The following MED30 variants were observed in gnomAD, a reference collection of about 807,000 sequenced individuals.
The protein encoded by MED30 is mediator complex subunit 30, also known as mediator of RNA polymerase II transcription subunit 30.
MED30 carries 8 observed loss-of-function variants against 21.7 expected under a neutral mutation model. The ratio of observed to expected loss-of-function variants is 0.37; its 90% CI spans 0.22 to 0.67. The LOEUF (loss-of-function observed/expected upper bound fraction) is 0.67, where lower values mean the gene tolerates loss of function less well. Ranked by LOEUF, MED30 falls within the 30% of genes least tolerant of loss-of-function variation. The probability of loss-of-function intolerance (pLI) is 0.58; values close to 1 mark genes in which losing one functional copy is unlikely to be tolerated. For synonymous variants in MED30, 79 were observed against 86.7 expected, an observed-to-expected ratio of 0.91 and a Z score of 0.49; for missense variants, 203 against 228.2, an observed-to-expected ratio of 0.89 and a Z score of 0.71.
chr8:117,526,555 T>C (rs913051649), intron 1 of MED30, among the ~76,000 whole-genome samples: 4 of 152,082 alleles, frequency 2.6e-5, no homozygotes, highest in Admixed American at 1.3e-4. Context: ...ATCATGTATT[T>C]ATGGGTTTTC....
At chr8:117,530,103 A>G (rs1199024561) in intron 2 of MED30, among the ~76,000 whole-genome samples, 6 of 151,966 alleles carry the variant, frequency 3.9e-5, no homozygotes, top group Admixed American at 3.9e-4. Flanking sequence ...AACCATGCAT[A>G]CTTAATTACG....
chr8:117,539,421 C>A (rs1056630817), intron 3 of MED30, among the ~76,000 whole-genome samples: 2 of 151,694 alleles, frequency 1.3e-5, no homozygotes, highest in Non-Finnish European at 2.9e-5. Context: ...ACCCAGGAGG[C>A]TGAGATTGCA....
At chr8:117,528,280 C>G (rs896139938) in intron 1 of MED30, among the ~76,000 whole-genome samples, 1 of 151,148 alleles carries the variant, frequency 6.6e-6, no homozygotes, top group African/African-American at 2.4e-5. Context: ...TTTTTTTAAA[C>G]TGTACTTTGT....
chr8:117,527,641 T>C (rs78536884), intron 1 of MED30, among the ~76,000 whole-genome samples: 4 of 69,082 alleles, frequency 5.8e-5, no homozygotes, highest in African/African-American at 1.3e-4. Flanking sequence ...TCTTTCTTTT[T>C]TTTTTTTTTT....
intron 3 of MED30, among the ~76,000 whole-genome samples, chr8:117,534,009 C>G (rs531716313): frequency 9.2e-5 from 14 of 152,008 alleles, no homozygotes; most frequent in Non-Finnish European, 1.9e-4. Flanking sequence ...GTTATGTTTC[C>G]TCAGAAATTT....
At chr8:117,523,774 C>G in intron 1 of MED30, 1 of 869,668 alleles carries the variant, frequency 1.1e-6, no homozygotes, top group Non-Finnish European at 1.7e-6. Flanking sequence ...TTTGAGAGGC[C>G]GAGGTGGGCG....
chr8:117,540,089 C>G lies in MED30; in HGVS notation c.*111C>G. The G allele has an allele frequency of 5.7e-6, 3 of 522,144 alleles. No homozygotes were observed. The highest frequency in any genetic ancestry group is 6.4e-6 in the Non-Finnish European group (2 of 312,990). The allele number at this position is 522,144 out of a possible 1,614,324, so 32.3% of individuals were successfully genotyped here. On this transcript the variant is annotated 3_prime_UTR_variant, in exon 4 of 4. Transcript: ENST00000297347. ...TCTGCTTTTATTTTAGTCACTAAAA[C>G]TAAAGTTTTTATTTTTACATTGTGA...
At chr8:117,534,682 A>G (rs904345559) in intron 3 of MED30, among the ~76,000 whole-genome samples, 3 of 152,170 alleles carry the variant, frequency 2.0e-5, no homozygotes, top group African/African-American at 7.2e-5. Context: ...TGATGACCTC[A>G]TAACTCTCTT....
At chr8:117,537,527 A>G (rs1818900774) in intron 3 of MED30, among the ~76,000 whole-genome samples, 1 of 152,126 alleles carries the variant, frequency 6.6e-6, no homozygotes, top group Non-Finnish European at 1.5e-5. Context: ...ACGCTATCCC[A>G]AGAGCCTTAT....
At chr8:117,539,854 AT>A in intron 3 of MED30, 28 bp from the exon 4 acceptor site, 1 of 1,364,088 alleles carries the variant, frequency 7.3e-7, no homozygotes, top group East Asian at 2.3e-5. Flanking sequence ...TTCCTGAAAC[AT>A]TTTTGATAAA....
chr8:117,538,593 A>G (rs189787799), intron 3 of MED30, among the ~76,000 whole-genome samples: 4 of 152,278 alleles, frequency 2.6e-5, no homozygotes, highest in Admixed American at 6.5e-5. Context: ...TTAATTAAGT[A>G]TATTATCTCC....
intron 3 of MED30, among the ~76,000 whole-genome samples, chr8:117,539,678 C>CCT (rs1323197473): frequency 6.6e-6 from 1 of 152,182 alleles, no homozygotes; most frequent in Non-Finnish European, 1.5e-5. Context: ...GGGCCATAGA[C>CCT]CTCTGCAGGC....
chr8:117,532,345 C>T (rs908383817), intron 3 of MED30, among the ~76,000 whole-genome samples: 3 of 151,690 alleles, frequency 2.0e-5, no homozygotes, highest in Admixed American at 6.6e-5. Flanking sequence ...TTGATAAATA[C>T]GACTAATAAA....
intron 3 of MED30, among the ~76,000 whole-genome samples, chr8:117,536,813 G>T (rs549798377): frequency 2.6e-5 from 4 of 152,316 alleles, no homozygotes; most frequent in South Asian, 2.1e-4. Context: ...AGGTGCAGGG[G>T]TGTCCAATCT....
chr8:117,526,279 A>G (rs1356419421), intron 1 of MED30, among the ~76,000 whole-genome samples: 4 of 151,834 alleles, frequency 2.6e-5, no homozygotes, highest in African/African-American at 9.7e-5. Context: ...ATGTTTCAAC[A>G]TTTTTTTCTC....
intron 1 of MED30, chr8:117,524,203 G>C (rs1373327531): frequency 6.6e-6 from 1 of 152,400 alleles, no homozygotes; most frequent in Non-Finnish European, 1.5e-5. Context: ...AGATAACAAT[G>C]GGCTCCTTCA....
At chr8:117,531,970 T>C (rs1818798255) in intron 3 of MED30, among the ~76,000 whole-genome samples, 1 of 152,018 alleles carries the variant, frequency 6.6e-6, no homozygotes, top group Non-Finnish European at 1.5e-5. Context: ...AAGACAAGAC[T>C]GATACCATGC....
At chr8:117,523,671 A>G (rs1818670438) in intron 1 of MED30, 1 of 1,592,536 alleles carries the variant, frequency 6.3e-7, no homozygotes, top group Non-Finnish European at 8.6e-7. Context: ...CCGGGTGCTT[A>G]GGCATGTGGA....
chr8:117,520,872 G>C lies in MED30; in HGVS notation c.-5G>C. Reference sequence around the variant, plus strand: ...CCCCTTCCGGCCTGAAGCTGCAGCCGCGCCATGTCCACCCCTCCGTTGGCC... The same window carrying C: ...CCCCTTCCGGCCTGAAGCTGCAGCCCCGCCATGTCCACCCCTCCGTTGGCC... On this transcript the variant is annotated 5_prime_UTR_variant, in exon 1 of 4. Coordinates refer to ENST00000297347, the MANE Select transcript of MED30 (RefSeq NM_080651.4). The C allele has an allele frequency of 6.3e-7, 1 of 1,585,668 alleles. No individual in the cohort carries two copies. Among genetic ancestry groups the C allele is most frequent in the Admixed American group, 1.8e-5 (1 of 56,070 alleles).
Sources: gnomAD v4.1 joint callset for allele counts (sites outside exome capture counted in the v4.1 genomes callset) on GRCh38, gnomAD v4.1.1 for gene constraint, MANE v1.5 for transcripts, NCBI Gene and HGNC (gene_info 2026-07-23, HGNC 2026-07-21) for gene names.